The following CLVS1 variants were observed in gnomAD, a reference collection of about 807,000 sequenced individuals.
The protein encoded by CLVS1 is clavesin-1.
Under a neutral mutation model 33.1 loss-of-function variants are expected in CLVS1, and 10 were observed. That is an observed-to-expected ratio of 0.30 (90% CI 0.19 to 0.51). CLVS1 has a LOEUF of 0.51. CLVS1 is among the 20% of genes least tolerant of loss of function. The pLI, the probability that CLVS1 is intolerant of heterozygous loss-of-function variation, is 0.97. For synonymous variants in CLVS1, 163 were observed against 166.1 expected (o/e 0.98, Z 0.14); for missense variants, 343 against 433.4 (o/e 0.79, Z 1.85).
chr8:60,994,394 C>T, the CLVS1 span, among the ~76,000 whole-genome samples: 289 of 152,282 alleles, frequency 1.9e-3, 1 homozygote, highest in African/African-American at 6.6e-3. Context: ...AAGGGTTGAA[C>T]CAGAAACTGT....
intron 1 of CLVS1, among the ~76,000 whole-genome samples, chr8:61,290,537 A>G: frequency 6.6e-6 from 1 of 152,194 alleles, no homozygotes; most frequent in Non-Finnish European, 1.5e-5. Context: ...TTCATTTCCC[A>G]AAAGGCAAAA....
At chr8:61,352,823 A>C (rs1156719311) in intron 2 of CLVS1, among the ~76,000 whole-genome samples, 2 of 152,066 alleles carry the variant, frequency 1.3e-5, no homozygotes, top group Non-Finnish European at 2.9e-5. Context: ...TACAAATAAA[A>C]ACACCAACAC....
chr8:61,429,323 G>A (rs1216627018), intron 3 of CLVS1, among the ~76,000 whole-genome samples: 3 of 151,112 alleles, frequency 2.0e-5, no homozygotes, highest in African/African-American at 7.3e-5. Context: ...GGGAGGCTGA[G>A]GCAGGAGAAT....
intron 2 of CLVS1, among the ~76,000 whole-genome samples, chr8:61,152,004 C>T (rs1483755033): frequency 6.6e-6 from 1 of 152,078 alleles, no homozygotes; most frequent in Non-Finnish European, 1.5e-5. Flanking sequence ...ATATTTTGCC[C>T]CCCGCCCCCA....
chr8:61,261,859 A>G (rs1290502590), intron 2 of CLVS1, among the ~76,000 whole-genome samples: 5 of 152,204 alleles, frequency 3.3e-5, no homozygotes, highest in Admixed American at 2.0e-4. Flanking sequence ...GCCTGAAAGC[A>G]TTAAGACAGT....
At chr8:61,262,342 C>G (rs2978491) in intron 2 of CLVS1, among the ~76,000 whole-genome samples, 104,445 of 151,978 alleles carry the variant, frequency 0.69, 38,297 homozygotes, top group East Asian at 0.97. Context: ...ACATGTCATA[C>G]GATGCTGCTT....
In CLVS1 at chr8:61,212,888, C is replaced by G. The variant is rs373631934; in HGVS notation, c.-152+81028C>G. 6.6e-5 allele frequency among the ~76,000 whole-genome samples: 10 copies of G among 152,120 alleles called. No individual in the cohort carries two copies. The East Asian group carries it at 9.7e-4, about 15-fold the overall frequency. ...GCCTGACTGCCTGCTTCCCTAGTGC[C>G]CTCCATCATCCTCTGGCAGTGCCAG... On this transcript the variant is annotated intron_variant, in intron 2 of 2. Transcript: ENST00000522621.
chr8:61,260,252 G>C (rs1181199852), intron 2 of CLVS1, among the ~76,000 whole-genome samples: 1 of 152,182 alleles, frequency 6.6e-6, no homozygotes, highest in Non-Finnish European at 1.5e-5. Flanking sequence ...TTAATGGCCA[G>C]AGAGTTAGAG....
At chr8:61,227,079 C>T (rs1430613444) in intron 2 of CLVS1, among the ~76,000 whole-genome samples, 5 of 150,392 alleles carry the variant, frequency 3.3e-5, no homozygotes, top group Non-Finnish European at 5.9e-5. Flanking sequence ...TAATAAGATC[C>T]GAGTAGTTGG....
chr8:61,191,755 A>G (rs200469078), intron 2 of CLVS1, among the ~76,000 whole-genome samples: 10,677 of 152,268 alleles, frequency 0.07, 486 homozygotes, highest in East Asian at 0.15. Flanking sequence ...GAGCCAAATC[A>G]TGAGTGAACT....
chr8:61,209,883 C>T lies in CLVS1; in HGVS notation c.-152+78023C>T, dbSNP rs961067196. 7.9e-5 allele frequency among the ~76,000 whole-genome samples: 12 copies of T among 152,224 alleles called. No individual in the cohort carries two copies. The East Asian group carries it at 2.1e-3, about 27-fold the overall frequency. ...GAGTAACTCATAACTTGCTTCTAAC[C>T]GATAGAGTATGGCAAAAGTGATGGG... On this transcript the variant is annotated intron_variant, in intron 2 of 2. Transcript: ENST00000522621.
intron 2 of CLVS1, 98 bp from the exon 3 acceptor site, chr8:61,376,507 T>G: frequency 1.7e-6 from 2 of 1,144,722 alleles, no homozygotes; most frequent in South Asian, 3.2e-5. Context: ...CAGGCGGGGT[T>G]CATGGAGCAG....
chr8:61,160,654 G>C (rs1806734511), intron 2 of CLVS1, among the ~76,000 whole-genome samples: 1 of 152,030 alleles, frequency 6.6e-6, no homozygotes, highest in Non-Finnish European at 1.5e-5. Flanking sequence ...TAGTAGCCAG[G>C]TATAAATGAC....
chr8:61,404,037 A>T (rs985897434), intron 3 of CLVS1, among the ~76,000 whole-genome samples: 19 of 152,250 alleles, frequency 1.2e-4, no homozygotes, highest in Admixed American at 1.2e-3. Flanking sequence ...GGGAATAAGC[A>T]GAGTGAGTTT....
intron 2 of CLVS1, among the ~76,000 whole-genome samples, chr8:61,304,383 T>C (rs572658101): frequency 4.6e-5 from 7 of 152,222 alleles, no homozygotes; most frequent in Non-Finnish European, 1.0e-4. Flanking sequence ...AAACTGGCCT[T>C]GCCTGGGCAT....
chr8:61,288,685 A>G (rs1177996495), intron 1 of CLVS1, among the ~76,000 whole-genome samples: 3 of 152,220 alleles, frequency 2.0e-5, no homozygotes, highest in Non-Finnish European at 4.4e-5. Flanking sequence ...GGAAATTAAC[A>G]TGGCCTAGGG....
At chr8:61,209,607 A>G (rs1585690505) in intron 2 of CLVS1, among the ~76,000 whole-genome samples, 2 of 152,228 alleles carry the variant, frequency 1.3e-5, no homozygotes, top group East Asian at 3.8e-4. Context: ...AAATGAGTCC[A>G]TGATGATGGC....
At chr8:61,331,291 C>T (rs1242551129) in intron 2 of CLVS1, among the ~76,000 whole-genome samples, 1 of 152,020 alleles carries the variant, frequency 6.6e-6, no homozygotes, top group Non-Finnish European at 1.5e-5. Context: ...TCCCAGGAAA[C>T]ATTTCCTGGT....
At chr8:61,343,256 T>C (rs1158677013) in intron 2 of CLVS1, among the ~76,000 whole-genome samples, 1 of 152,234 alleles carries the variant, frequency 6.6e-6, no homozygotes, top group Non-Finnish European at 1.5e-5. Context: ...TTTCAAAAGA[T>C]AAAAATATAT....
Sources: allele counts gnomAD v4.1 joint callset (sites outside exome capture counted in the v4.1 genomes callset), GRCh38; gene constraint gnomAD v4.1.1; transcripts MANE v1.5; gene names NCBI Gene and HGNC (gene_info 2026-07-23, HGNC 2026-07-21).